The following MYO18B variants were observed in gnomAD, a reference collection of about 807,000 sequenced individuals.
The protein encoded by MYO18B is myosin XVIIIB, also known as unconventional myosin-XVIIIb.
In MYO18B, 204 loss-of-function variants were observed where a neutral mutation model predicts 273.0. The observed-to-expected ratio is 0.75, with a 90% CI of 0.67 to 0.84. MYO18B has a LOEUF of 0.84. Among genes scored for constraint, MYO18B ranks in the 40% least tolerant of loss-of-function variants. MYO18B has a pLI of 0.00. For missense variants in MYO18B, 3,212 were observed against 3,287.6 expected (o/e 0.98, Z 0.56); for synonymous variants, 1,330 against 1,305.7 (o/e 1.02, Z -0.40).
At chr22:25,913,919 CTTT>C in intron 33 of MYO18B, among the ~76,000 whole-genome samples, 1 of 152,242 alleles carries the variant, frequency 6.6e-6, no homozygotes, top group South Asian at 2.1e-4. Flanking sequence ...AGATACTGTT[CTTT>C]GAGTTCACAA....
intron 43 of MYO18B, among the ~76,000 whole-genome samples, 168 bp from the exon 44 acceptor site, chr22:26,030,275 G>A (rs535354973): frequency 6.6e-6 from 1 of 152,202 alleles, no homozygotes; most frequent in Non-Finnish European, 1.5e-5. Flanking sequence ...TACTTGGGAG[G>A]CTGAAGCAGG....
rs1355027468 is a variant in MYO18B, at chr22:25,779,920, C to T, written c.2069-136C>T. 4.4e-6 allele frequency: 5 copies of T among 1,138,062 alleles called. No individual in the cohort carries two copies. In the East Asian group the frequency reaches 7.8e-5, roughly 18 times the overall value. 70.5% of individuals were successfully genotyped at this position (1,138,062 alleles called of 1,614,324 possible). A position where few individuals can be genotyped will look rare whatever the true frequency, so the allele number is the denominator to read the frequency against. ...CAGGGAGTGGGTGGCAGGAAGCTCA[C>T]AGGAAGCCCACCGGGGGCTGAGGCC... On this transcript the variant is annotated intron_variant, in intron 8 of 43. Coordinates refer to ENST00000335473, the MANE Select transcript of MYO18B (RefSeq NM_032608.7).
chr22:25,957,657 C>T (rs2146661464), intron 39 of MYO18B, among the ~76,000 whole-genome samples: 1 of 152,314 alleles, frequency 6.6e-6, no homozygotes, highest in South Asian at 2.1e-4. Context: ...AACAGGGCTA[C>T]ACTCCCTCTG....
At position 25,823,684 on chromosome 22, in the gene MYO18B, T is replaced by C; in HGVS notation, c.2695+6T>C. 6.2e-7 allele frequency: 1 copy of C among 1,613,842 alleles called. No homozygotes were observed. Among genetic ancestry groups the C allele is most frequent in the Non-Finnish European group, 8.5e-7 (1 of 1,179,786 alleles). On this transcript the variant is annotated splice_donor_region_variant and intron_variant, in intron 13 of 43. Coordinates refer to ENST00000335473, the MANE Select transcript of MYO18B (RefSeq NM_032608.7). ...GGATGAGGAAACCAGCTCAGGTACA[T>C]GGCTGCTGCCTCTTTGGGTGAGCTG...
chr22:25,826,640 A>G (rs2089502684), intron 14 of MYO18B, 141 bp downstream of exon 14: 1 of 648,972 alleles, frequency 1.5e-6, no homozygotes, highest in African/African-American at 1.8e-5. Context: ...TTTAACTTCT[A>G]CCTTGGCCAC....
At chr22:25,754,233 C>G (rs545149669) in intron 1 of MYO18B, among the ~76,000 whole-genome samples, 1 of 152,214 alleles carries the variant, frequency 6.6e-6, no homozygotes, top group African/African-American at 2.4e-5. Flanking sequence ...ACGATGTGAG[C>G]CATGCAGCAG....
In MYO18B at chr22:26,027,970, G is replaced by A. The variant is rs188482497; in HGVS notation, c.*12+280G>A. 1.7e-3 allele frequency among the ~76,000 whole-genome samples: 265 copies of A among 152,108 alleles called. 1 individual carries two copies. The highest frequency in any genetic ancestry group is 2.9e-3 in the Admixed American group (44 of 15,284). ...AAGAAGGTGCCAGATGTAGCCGGGC[G>A]CGGTGGCTCACGCCTGTAATCCCAG... On this transcript the variant is annotated intron_variant, in intron 43 of 43. Coordinates refer to ENST00000335473, the MANE Select transcript of MYO18B (RefSeq NM_032608.7). The surrounding 1 kb of genome is among the most constrained non-coding windows in gnomAD (Gnocchi z 4.1).
At chr22:25,803,935 C>T (rs999060810) in intron 12 of MYO18B, among the ~76,000 whole-genome samples, 10 of 148,852 alleles carry the variant, frequency 6.7e-5, no homozygotes, top group African/African-American at 1.7e-4. Flanking sequence ...CCTCAACTTA[C>T]GGTAAGAAAC....
intron 24 of MYO18B, 50 bp from the exon 25 acceptor site, chr22:25,877,909 A>C (rs1039006684): frequency 6.7e-6 from 10 of 1,488,582 alleles, no homozygotes; most frequent in Admixed American, 2.0e-5. Context: ...CACAGGTGGA[A>C]CTTAATCTCT....
intron 40 of MYO18B, among the ~76,000 whole-genome samples, chr22:25,997,419 G>T (rs1933407922): frequency 6.6e-6 from 1 of 151,286 alleles, no homozygotes; most frequent in South Asian, 2.1e-4. Flanking sequence ...CCAAAATGCA[G>T]GCCCTTCTGG....
intron 26 of MYO18B, 27 bp downstream of exon 26, chr22:25,890,902 G>A (rs896250859): frequency 2.5e-5 from 41 of 1,608,872 alleles, no homozygotes; most frequent in Non-Finnish European, 3.3e-5. Flanking sequence ...GGCCAGGGGT[G>A]GCTGAACACG....
intron 42 of MYO18B, among the ~76,000 whole-genome samples, chr22:26,022,486 G>A (rs1309645939): frequency 6.6e-6 from 1 of 152,166 alleles, no homozygotes; most frequent in African/African-American, 2.4e-5. Context: ...TTTATACCTT[G>A]AGAGGTGGTG....
chr22:25,832,648 C>G (rs1347293720), intron 15 of MYO18B, among the ~76,000 whole-genome samples: 1 of 152,058 alleles, frequency 6.6e-6, no homozygotes, highest in African/African-American at 2.4e-5. Flanking sequence ...TACAGAGATT[C>G]CGTTTTGAAA....
chr22:25,986,136 A>G (rs576950531), intron 39 of MYO18B, among the ~76,000 whole-genome samples: 2 of 152,258 alleles, frequency 1.3e-5, no homozygotes, highest in East Asian at 3.9e-4. Context: ...CCGTCAGGAG[A>G]CCTGAGCTTA....
chr22:25,930,152 G>T (rs2092477653), intron 34 of MYO18B, among the ~76,000 whole-genome samples: 1 of 152,086 alleles, frequency 6.6e-6, no homozygotes, highest in Non-Finnish European at 1.5e-5. Context: ...TAAGCATTCT[G>T]TGAAATTGAC....
At chr22:25,774,591 G>A (rs985178712) in intron 7 of MYO18B, among the ~76,000 whole-genome samples, 1 of 152,170 alleles carries the variant, frequency 6.6e-6, no homozygotes, top group African/African-American at 2.4e-5. Flanking sequence ...TGCGGCACTG[G>A]TCCGCACCCT....
Position 26,004,850 on chromosome 22 carries a change from C to T in MYO18B, c.6465C>T (p.Ser2155=). Residue 2155 remains serine (S), a synonymous_variant, in exon 42 of 44, where the codon AGC becomes AGT. Transcript: ENST00000335473. ...CAGCCACCAGCAGCCGCATCCTCAG[C>T]CCCAGGTAAGAGTATCTCCTTGCTG... ...RQSATSSRIL[S]PRINEEAGDT... is the part of the protein sequence containing the mutation. The T allele has an allele frequency of 1.2e-6, 2 of 1,613,542 alleles. No homozygotes were observed. Among genetic ancestry groups the T allele is most frequent in the Non-Finnish European group, 1.7e-6 (2 of 1,179,616 alleles).
At chr22:25,850,020 T>G (rs2859410) in intron 20 of MYO18B, among the ~76,000 whole-genome samples, 1 of 152,060 alleles carries the variant, frequency 6.6e-6, no homozygotes, top group Non-Finnish European at 1.5e-5. Context: ...GGGACATGAA[T>G]GCAGATAGGT....
intron 33 of MYO18B, among the ~76,000 whole-genome samples, chr22:25,914,840 G>T (rs2092233244): frequency 6.6e-6 from 1 of 151,290 alleles, no homozygotes; most frequent in African/African-American, 2.4e-5. Context: ...GGGACTACAG[G>T]CGCCTGCCAC....
Sources: allele counts gnomAD v4.1 joint callset (sites outside exome capture counted in the v4.1 genomes callset), GRCh38; gene constraint gnomAD v4.1.1; non-coding constraint Gnocchi (gnomAD v3.1); transcripts MANE v1.5; gene names NCBI Gene and HGNC (gene_info 2026-07-23, HGNC 2026-07-21).